The following C1orf185 variants were observed in gnomAD, a reference collection of about 807,000 sequenced individuals.
C1orf185 encodes uncharacterized protein C1orf185.
A neutral mutation model predicts 16.1 loss-of-function variants in C1orf185; 13 were observed. That is an observed-to-expected ratio of 0.81 (90% CI 0.53 to 1.28). The LOEUF is 1.28. Ranked by LOEUF, C1orf185 falls within the 50% of genes most tolerant of loss-of-function variation. C1orf185 has a pLI of 0.00. For synonymous variants in C1orf185, 80 were observed against 76.9 expected (o/e 1.04, Z -0.21); for missense variants, 220 against 225.2 (o/e 0.98, Z 0.15).
chr1:51,142,462 C>T (rs1646371197), intron 3 of C1orf185, among the ~76,000 whole-genome samples: 2 of 152,154 alleles, frequency 1.3e-5, no homozygotes, highest in Admixed American at 1.3e-4. Context: ...TTTTCAATTG[C>T]ATATAGAATT....
chr1:51,119,519 T>C (rs1646182680), intron 3 of C1orf185, among the ~76,000 whole-genome samples: 1 of 152,230 alleles, frequency 6.6e-6, no homozygotes, highest in African/African-American at 2.4e-5. Flanking sequence ...TGGCTGGCCA[T>C]GGCAGCTCAT....
intron 3 of C1orf185, among the ~76,000 whole-genome samples, chr1:51,145,047 G>A (rs374764893): frequency 2.4e-4 from 37 of 151,918 alleles, no homozygotes; most frequent in African/African-American, 5.1e-4. Context: ...ATGCACATCC[G>A]GTAATTCTAA....
intron 3 of C1orf185, among the ~76,000 whole-genome samples, chr1:51,143,261 G>T (rs1010758868): frequency 1.3e-5 from 2 of 152,040 alleles, no homozygotes; most frequent in Non-Finnish European, 2.9e-5. Flanking sequence ...AATTACTTGC[G>T]CCTGAGTAAA....
intron 1 of C1orf185, among the ~76,000 whole-genome samples, chr1:51,109,278 G>A (rs59025284): frequency 0.072 from 10,939 of 152,016 alleles, 1,177 homozygotes; most frequent in African/African-American, 0.23. Context: ...TTTCTTTGAT[G>A]CTGAGTTGAG....
At position 51,147,746 on chromosome 1, in the gene C1orf185, A is replaced by C. The variant is rs1278692305; in HGVS notation, c.575A>C (p.Glu192Ala). The C allele has an allele frequency of 6.5e-7, 1 of 1,547,572 alleles. No individual in the cohort carries two copies. The highest frequency in any genetic ancestry group is 8.7e-7 in the Non-Finnish European group (1 of 1,145,210). The change falls in exon 5 of 5, where the codon GAA (glutamate) becomes GCA (alanine). Residue 192 changes from glutamate (E) to alanine (A), a missense_variant. Coordinates refer to ENST00000371759, the MANE Select transcript of C1orf185 (RefSeq NM_001136508.2). ...ACCATTTCATTAGAAGAGGGTACTG[A>C]AAGTGTACTGAATGACACTTTATGA... The part of the protein sequence containing the change: ...LSTISLEEGT[E>A]SVLNDTL
At chr1:51,121,052 G>T (rs1228662332) in intron 3 of C1orf185, among the ~76,000 whole-genome samples, 1 of 152,056 alleles carries the variant, frequency 6.6e-6, no homozygotes, top group Non-Finnish European at 1.5e-5. Flanking sequence ...TTGTGGAATG[G>T]CTAAATAATG....
chr1:51,118,774 T>C lies in C1orf185; in HGVS notation c.231T>C (p.Asn77=). Residue 77 remains asparagine, a synonymous_variant, in exon 3 of 5, where the codon AAT becomes AAC. Coordinates refer to ENST00000371759, the MANE Select transcript of C1orf185 (RefSeq NM_001136508.2). ...SHSQCVFISR[N]FHTGRFQLQE... ...CTCAGTGTGTTTTTATTTCTCGAAA[T>C]TTTCATACTGGGAGATTCCAATTAC... The C allele has an allele frequency of 6.8e-7, 1 of 1,475,294 alleles. No individual in the cohort carries two copies. The highest frequency in any genetic ancestry group is 9.1e-7 in the Non-Finnish European group (1 of 1,102,828). The allele number at this position is 1,475,294 out of a possible 1,614,324, so 91.4% of individuals were successfully genotyped here.
At chr1:51,126,977 T>A (rs1417161786) in intron 3 of C1orf185, among the ~76,000 whole-genome samples, 3 of 151,708 alleles carry the variant, frequency 2.0e-5, no homozygotes, top group African/African-American at 7.3e-5. Context: ...CAATTGGGGT[T>A]TGTTTATTTT....
chr1:51,118,331 T>G (rs1167961316), intron 2 of C1orf185, among the ~76,000 whole-genome samples: 2 of 152,230 alleles, frequency 1.3e-5, no homozygotes, highest in Non-Finnish European at 2.9e-5. Flanking sequence ...TAATTAACAT[T>G]AAAACCAACT....
chr1:51,151,120 G>A (rs1291364791), downstream of C1orf185, among the ~76,000 whole-genome samples: 1 of 152,204 alleles, frequency 6.6e-6, no homozygotes, highest in African/African-American at 2.4e-5. Flanking sequence ...TACCTGAAAA[G>A]CAACTCAAGT....
intron 3 of C1orf185, among the ~76,000 whole-genome samples, chr1:51,120,397 T>C (rs1401335309): frequency 6.6e-6 from 1 of 152,202 alleles, no homozygotes; most frequent in Non-Finnish European, 1.5e-5. Flanking sequence ...AGTTTCCTCA[T>C]CTGCAAAATA....
chr1:51,120,291 A>G (rs1181001013), intron 3 of C1orf185, among the ~76,000 whole-genome samples: 1 of 152,186 alleles, frequency 6.6e-6, no homozygotes, highest in African/African-American at 2.4e-5. Context: ...TATGGTCAAG[A>G]GCATTGTCTG....
intron 3 of C1orf185, 70 bp from the exon 4 acceptor site, chr1:51,145,654 T>C (rs1646393898): frequency 3.4e-6 from 3 of 881,898 alleles, no homozygotes; most frequent in Admixed American, 7.2e-5. Context: ...TACTCTCATA[T>C]AAAATATATG....
chr1:51,103,249 T>A (rs561380162), intron 1 of C1orf185, among the ~76,000 whole-genome samples: 10 of 151,644 alleles, frequency 6.6e-5, no homozygotes, highest in Admixed American at 1.3e-4. Flanking sequence ...CTACAAAAAA[T>A]TTAAAAATTA....
chr1:51,129,746 T>A (rs192495493), intron 3 of C1orf185: 3 of 152,396 alleles, frequency 2.0e-5, no homozygotes, highest in African/African-American at 7.2e-5. Flanking sequence ...GATTTGGAGA[T>A]GGCCTTTTTC....
At chr1:51,142,738 T>C (rs1273028674) in intron 3 of C1orf185, among the ~76,000 whole-genome samples, 2 of 152,144 alleles carry the variant, frequency 1.3e-5, no homozygotes, top group African/African-American at 2.4e-5. Flanking sequence ...TGTAGTGATA[T>C]TCTCTTGTTC....
chr1:51,131,703 G>A (rs1257059996), intron 3 of C1orf185, among the ~76,000 whole-genome samples: 1 of 152,196 alleles, frequency 6.6e-6, no homozygotes, highest in Non-Finnish European at 1.5e-5. Flanking sequence ...TAGAGTAAGA[G>A]CAATGGTCTT....
intron 1 of C1orf185, among the ~76,000 whole-genome samples, chr1:51,103,282 T>C (rs1646045036): frequency 1.3e-5 from 2 of 151,830 alleles, no homozygotes; most frequent in African/African-American, 4.8e-5. Context: ...GGCACACATG[T>C]GTAGTCCTAG....
At chr1:51,129,220 G>A (rs1053663073) in intron 3 of C1orf185, among the ~76,000 whole-genome samples, 7 of 151,878 alleles carry the variant, frequency 4.6e-5, no homozygotes, top group Middle Eastern at 3.2e-3. Context: ...GTAGAGATGG[G>A]GTCTCAAACT....
Sources: allele counts gnomAD v4.1 joint callset (sites outside exome capture counted in the v4.1 genomes callset), GRCh38; gene constraint gnomAD v4.1.1; transcripts MANE v1.5; gene names NCBI Gene and HGNC (gene_info 2026-07-23, HGNC 2026-07-21).